Variants in AUTS2 observed in about 807,000 individuals in gnomAD.
The protein encoded by AUTS2 is autism susceptibility gene 2 protein.
A neutral mutation model predicts 112.4 loss-of-function variants in AUTS2; 17 were observed. That is an observed-to-expected ratio of 0.15 (90% CI 0.10 to 0.23). The LOEUF (loss-of-function observed/expected upper bound fraction) is 0.23. AUTS2 is among the 10% of genes least tolerant of loss of function. AUTS2 has a pLI of 1.00. For missense variants in AUTS2, 1,510 were observed against 1,701.6 expected (o/e 0.89, Z 1.98); for synonymous variants, 751 against 702.7 (o/e 1.07, Z -1.09).
chr7:70,792,275 T>C lies in AUTS2; in HGVS notation c.*1279T>C, dbSNP rs1004812306. ...AAAGTCTTGTGTGTGAGTGTGTTTT[T>C]TGAGTTTGCATCAATCTTAATGTCT... is the stretch of plus-strand genomic sequence containing the variant. On this transcript the variant is annotated 3_prime_UTR_variant, in exon 19 of 19. Transcript: ENST00000342771. The C allele has an allele frequency of 2.0e-5, 3 of 152,590 alleles. No individual in the cohort carries two copies. Among genetic ancestry groups the C allele is most frequent in the Admixed American group, 6.5e-5 (1 of 15,268 alleles). The allele number at this position is 152,590 out of a possible 1,614,324, so 9.5% of individuals were successfully genotyped here.
chr7:70,562,172 A>T (rs1390357327), intron 5 of AUTS2, among the ~76,000 whole-genome samples: 1 of 152,050 alleles, frequency 6.6e-6, no homozygotes, highest in Non-Finnish European at 1.5e-5. Context: ...AGCCAAATAA[A>T]CCTCTTCTCT....
At chr7:70,391,685 AAAT>A (rs1201256125) in intron 4 of AUTS2, among the ~76,000 whole-genome samples, 1 of 151,874 alleles carries the variant, frequency 6.6e-6, no homozygotes, top group Non-Finnish European at 1.5e-5. Context: ...ATAACAATAA[AAAT>A]AAAAAAATAA....
chr7:70,081,965 T>TGTGCGCGCGCGC (rs1018968486), intron 2 of AUTS2, among the ~76,000 whole-genome samples: 1 of 128,016 alleles, frequency 7.8e-6, no homozygotes. Context: ...TGTGTGTGTG[T>TGTGCGCGCGCGC]GCGCGCGCCT....
intron 1 of AUTS2, among the ~76,000 whole-genome samples, chr7:69,658,684 G>T (rs1795655981): frequency 6.6e-6 from 1 of 152,146 alleles, no homozygotes; most frequent in African/African-American, 2.4e-5. Context: ...TGATGAAAGA[G>T]AAGTCAAATC....
At chr7:69,678,391 G>T (rs575872562) in intron 1 of AUTS2, among the ~76,000 whole-genome samples, 1 of 152,138 alleles carries the variant, frequency 6.6e-6, no homozygotes, top group Non-Finnish European at 1.5e-5. Context: ...TGGGACCAGC[G>T]TGTGTAAAAG....
chr7:70,751,505 G>A (rs1242113496), intron 6 of AUTS2, among the ~76,000 whole-genome samples: 1 of 152,114 alleles, frequency 6.6e-6, no homozygotes, highest in Non-Finnish European at 1.5e-5. Context: ...TCCAAAATAA[G>A]CTAACATTTT....
chr7:69,882,275 A>G (rs922045341), intron 1 of AUTS2, among the ~76,000 whole-genome samples: 19 of 151,658 alleles, frequency 1.3e-4, no homozygotes, highest in Admixed American at 3.3e-4. Flanking sequence ...GGAGTTTGAG[A>G]CCAGCCTGGG....
At chr7:69,917,390 A>T (rs1262561201) in intron 2 of AUTS2, among the ~76,000 whole-genome samples, 1 of 147,652 alleles carries the variant, frequency 6.8e-6, no homozygotes, top group Non-Finnish European at 1.5e-5. Flanking sequence ...ACAAATCTGA[A>T]TTTTTTTTTT....
chr7:70,664,374 T>G (rs986039327), intron 5 of AUTS2, among the ~76,000 whole-genome samples: 1 of 152,208 alleles, frequency 6.6e-6, no homozygotes, highest in African/African-American at 2.4e-5. Flanking sequence ...GATTTTGTGT[T>G]GTTGTTGAAC....
intron 5 of AUTS2, among the ~76,000 whole-genome samples, chr7:70,528,058 C>G (rs1234500753): frequency 6.7e-6 from 1 of 149,514 alleles, no homozygotes. Flanking sequence ...ACCATTAATT[C>G]CCTAAAGAGA....
At chr7:70,244,415 T>A (rs1332991515) in intron 4 of AUTS2, among the ~76,000 whole-genome samples, 2 of 152,212 alleles carry the variant, frequency 1.3e-5, no homozygotes, top group Non-Finnish European at 2.9e-5. Flanking sequence ...TCTTTAAAAA[T>A]GAATCTAACC....
intron 2 of AUTS2, among the ~76,000 whole-genome samples, chr7:70,066,218 G>A (rs1049346852): frequency 6.6e-6 from 1 of 152,066 alleles, no homozygotes; most frequent in Non-Finnish European, 1.5e-5. Flanking sequence ...TTCCTATATG[G>A]CAATTGAAGT....
At chr7:70,522,966 C>T (rs1799702254) in intron 5 of AUTS2, among the ~76,000 whole-genome samples, 2 of 152,224 alleles carry the variant, frequency 1.3e-5, no homozygotes, top group African/African-American at 4.8e-5. Context: ...CCAAGGTCAA[C>T]TTCACTACAT....
chr7:69,858,876 C>G (rs771899134), intron 1 of AUTS2, among the ~76,000 whole-genome samples: 3 of 152,204 alleles, frequency 2.0e-5, no homozygotes, highest in Non-Finnish European at 4.4e-5. Context: ...TGGATTTACT[C>G]TTTTTGCCCT....
rs549876594 is a variant in AUTS2 at position 69,823,221 on chromosome 7, CT to C, written c.310-76064del. ...CGTCTCATAACTTAGGCGTGATGTGCTGCTGTATCTGCCTTGCTGCCTTCTC... is the reference window on the plus strand; with the variant it reads ...CGTCTCATAACTTAGGCGTGATGTGCGCTGTATCTGCCTTGCTGCCTTCTC... On this transcript the variant is annotated intron_variant, in intron 1 of 18. Coordinates refer to ENST00000342771, the MANE Select transcript of AUTS2 (RefSeq NM_015570.4). Among the ~76,000 whole-genome samples, 175 of 152,328 alleles carry C rather than the reference CT, an allele frequency of 1.1e-3. 1 individual carries two copies. Among genetic ancestry groups the C allele is most frequent in the Middle Eastern group, 0.01 (3 of 294 alleles).
intron 1 of AUTS2, among the ~76,000 whole-genome samples, chr7:69,614,951 G>C (rs1197058189): frequency 6.6e-6 from 1 of 152,196 alleles, no homozygotes; most frequent in Non-Finnish European, 1.5e-5. Context: ...TGTAATTGTT[G>C]GGGAGACCCA....
chr7:70,744,844 A>C (rs746347369), intron 6 of AUTS2, among the ~76,000 whole-genome samples: 3 of 152,036 alleles, frequency 2.0e-5, no homozygotes, highest in Non-Finnish European at 2.9e-5. Context: ...TCTCATGTGT[A>C]CAGGGTGCTT....
At chr7:70,280,893 G>T (rs1788183940) in intron 4 of AUTS2, among the ~76,000 whole-genome samples, 1 of 151,944 alleles carries the variant, frequency 6.6e-6, no homozygotes, top group African/African-American at 2.4e-5. Flanking sequence ...AGGTATTTTT[G>T]TCTAACACTG....
At position 70,790,902 on chromosome 7, in the gene AUTS2, G is replaced by C. The variant is rs1205204962; in HGVS notation, c.3686G>C (p.Gly1229Ala). The C allele has an allele frequency of 6.3e-7, 1 of 1,591,036 alleles. No homozygotes were observed. Residue 1229 changes from glycine to alanine, a missense_variant, in exon 19 of 19, where the codon GGC (glycine) becomes GCC (alanine). Around this residue, in one of 3 missense-constraint regions of AUTS2, gnomAD observed 788 missense variants for 797.6 expected, o/e 0.99. Transcript: ENST00000342771. The surrounding 1 kb of genome is among the most constrained non-coding windows in gnomAD (Gnocchi z 7.6). ...APPPLISTLG[G>A]RPVSPRRTTP... ...CCCCCGCTCATCTCCACGCTGGGGG[G>C]CCGCCCGGTCTCTCCCAGAAGGACG...
Sources: allele counts gnomAD v4.1 joint callset (sites outside exome capture counted in the v4.1 genomes callset), GRCh38; gene constraint gnomAD v4.1.1; regional missense constraint gnomAD v4.1.1; non-coding constraint Gnocchi (gnomAD v3.1); transcripts MANE v1.5; gene names NCBI Gene and HGNC (gene_info 2026-07-23, HGNC 2026-07-21).